TAFA5: variants seen among roughly 807,000 people sequenced by gnomAD.
TAFA5 encodes chemokine-like protein TAFA-5.
Under a neutral mutation model 15.3 loss-of-function variants are expected in TAFA5, and 6 were observed. The ratio of observed to expected loss-of-function variants is 0.39; its 90% CI spans 0.21 to 0.77. The LOEUF is 0.77. TAFA5 is among the 30% of genes least tolerant of loss of function. The pLI is 0.41. For missense variants in TAFA5, 161 were observed against 193.1 expected, an observed-to-expected ratio of 0.83 and a Z score of 0.98; for synonymous variants, 103 against 80.7, an observed-to-expected ratio of 1.28 and a Z score of -1.48.
intron 2 of TAFA5, among the ~76,000 whole-genome samples, chr22:48,673,751 G>A (rs1000464381): frequency 3.3e-5 from 5 of 152,164 alleles, no homozygotes; most frequent in African/African-American, 1.2e-4. Context: ...AGGTGCATGG[G>A]GCCAGGTTAT....
At chr22:48,711,831 C>A (rs997738682) in intron 3 of TAFA5, among the ~76,000 whole-genome samples, 1 of 152,298 alleles carries the variant, frequency 6.6e-6, no homozygotes, top group African/African-American at 2.4e-5. Context: ...GCCACCATCG[C>A]GCCGATCCCC....
intron 1 of TAFA5, among the ~76,000 whole-genome samples, chr22:48,573,919 CA>C (rs1923671340): frequency 6.6e-6 from 1 of 152,140 alleles, no homozygotes; most frequent in Non-Finnish European, 1.5e-5. Context: ...CTTTGGGGGC[CA>C]GGGGTGAGCA....
At chr22:48,518,955 C>A (rs570284950) in intron 1 of TAFA5, among the ~76,000 whole-genome samples, 2 of 152,284 alleles carry the variant, frequency 1.3e-5, no homozygotes, top group South Asian at 4.1e-4. Context: ...CCCCAGCTCA[C>A]CTGTCCGTCA....
chr22:48,700,222 A>T (rs548535217), intron 2 of TAFA5, among the ~76,000 whole-genome samples: 1 of 152,286 alleles, frequency 6.6e-6, no homozygotes, highest in East Asian at 1.9e-4. Flanking sequence ...CGTGTCCCAG[A>T]CAGCTGCCCC....
At chr22:48,608,546 C>T (rs936003710) in intron 1 of TAFA5, among the ~76,000 whole-genome samples, 3 of 152,024 alleles carry the variant, frequency 2.0e-5, no homozygotes, top group African/African-American at 7.2e-5. Context: ...TCTATTTTTT[C>T]CCCAGACATG....
intron 3 of TAFA5, among the ~76,000 whole-genome samples, chr22:48,717,678 G>C (rs1929444014): frequency 6.6e-6 from 1 of 152,236 alleles, no homozygotes; most frequent in South Asian, 2.1e-4. Flanking sequence ...GGCACTGCAG[G>C]TGCCATTGGA....
intron 3 of TAFA5, among the ~76,000 whole-genome samples, chr22:48,722,272 C>G (rs1430168518): frequency 2.6e-5 from 4 of 152,124 alleles, no homozygotes; most frequent in Non-Finnish European, 5.9e-5. Context: ...TATTGCGGCA[C>G]CGTTCACGAT....
chr22:48,631,070 GT>G (rs1926208570), intron 1 of TAFA5, among the ~76,000 whole-genome samples: 1 of 152,182 alleles, frequency 6.6e-6, no homozygotes, highest in Non-Finnish European at 1.5e-5. Context: ...TCCCCGCCCT[GT>G]CCTTTCTAAG....
At chr22:48,531,233 G>T (rs574611280) in intron 1 of TAFA5, among the ~76,000 whole-genome samples, 2 of 152,204 alleles carry the variant, frequency 1.3e-5, no homozygotes, top group Non-Finnish European at 2.9e-5. Flanking sequence ...ATGTGTGGCC[G>T]CAGGAGCTGA....
intron 1 of TAFA5, among the ~76,000 whole-genome samples, chr22:48,518,198 G>A (rs557414950): frequency 1.3e-4 from 20 of 152,208 alleles, no homozygotes; most frequent in Non-Finnish European, 4.4e-5. Context: ...GATGGTACCC[G>A]CAGGAGCCCA....
chr22:48,555,989 G>A (rs1215399426), intron 1 of TAFA5, among the ~76,000 whole-genome samples: 1 of 152,176 alleles, frequency 6.6e-6, no homozygotes, highest in Non-Finnish European at 1.5e-5. Context: ...CCCTGGAGGT[G>A]TCCTGTCCTG....
intron 3 of TAFA5, among the ~76,000 whole-genome samples, chr22:48,720,762 G>GGGTT (rs130170): frequency 0.4 from 60,415 of 151,880 alleles, 12,960 homozygotes; most frequent in Non-Finnish European, 0.48. Context: ...AGCCTCCACA[G>GGGTT]GGTTCCCTGT....
At chr22:48,691,716 G>T (rs4925405) in intron 2 of TAFA5, among the ~76,000 whole-genome samples, 23,979 of 152,258 alleles carry the variant, frequency 0.16, 2,401 homozygotes, top group Non-Finnish European at 0.23. Context: ...CCCTTGGCAG[G>T]TCTGCTCAGG....
intron 3 of TAFA5, among the ~76,000 whole-genome samples, chr22:48,710,829 C>T (rs1929228767): frequency 6.6e-6 from 1 of 152,190 alleles, no homozygotes; most frequent in Non-Finnish European, 1.5e-5. Context: ...ACTCCCTTTC[C>T]CTTGGGCCTC....
rs1930439377 is a variant in TAFA5, at chr22:48,750,061, C to T, written c.*214C>T. 7 of 595,560 alleles carry T rather than the reference C, an allele frequency of 1.2e-5. No homozygotes were observed. The highest frequency in any genetic ancestry group is 5.9e-5 in the Admixed American group (2 of 33,786). 36.9% of individuals were successfully genotyped at this position (595,560 alleles called of 1,614,324 possible). On this transcript the variant is annotated 3_prime_UTR_variant, in exon 4 of 4. Coordinates refer to ENST00000402357, the MANE Select transcript of TAFA5 (RefSeq NM_001082967.3). ...AGGAGGCCGGACTCAGACACATAGG[C>T]GGGGGGCGGCACCTGGCATCAGCAA...
chr22:48,616,341 G>T (rs1448288402), intron 1 of TAFA5, among the ~76,000 whole-genome samples: 1 of 152,234 alleles, frequency 6.6e-6, no homozygotes, highest in Non-Finnish European at 1.5e-5. Flanking sequence ...GGCCTGATGA[G>T]CCTGAAGGCC....
At chr22:48,648,866 A>G (rs554209976) in intron 2 of TAFA5, among the ~76,000 whole-genome samples, 1 of 152,274 alleles carries the variant, frequency 6.6e-6, no homozygotes, top group Admixed American at 6.5e-5. Context: ...TATCACCGGG[A>G]GAAAGGTGTT....
chr22:48,504,143 C>T (rs917821721), intron 1 of TAFA5, among the ~76,000 whole-genome samples: 5 of 152,170 alleles, frequency 3.3e-5, no homozygotes, highest in East Asian at 1.9e-4. Flanking sequence ...TTTAGGGGTG[C>T]GGGCTGGACT....
chr22:48,656,592 AAAG>A (rs749705148), intron 2 of TAFA5, among the ~76,000 whole-genome samples: 20 of 152,172 alleles, frequency 1.3e-4, no homozygotes, highest in Non-Finnish European at 2.4e-4. Context: ...CACACTAAAA[AAAG>A]AAGAGTAAAC....
Sources: allele counts gnomAD v4.1 joint callset (sites outside exome capture counted in the v4.1 genomes callset), GRCh38; gene constraint gnomAD v4.1.1; transcripts MANE v1.5; gene names NCBI Gene and HGNC (gene_info 2026-07-23, HGNC 2026-07-21).